SRPK2: variants seen among roughly 807,000 people sequenced by gnomAD.
SRPK2 encodes the protein SRSF protein kinase 2.
In SRPK2, 21 loss-of-function variants were observed where a neutral mutation model predicts 90.8. The observed-to-expected ratio is 0.23, with a 90% CI of 0.16 to 0.33. The LOEUF is 0.33. SRPK2 is among the 10% of genes least tolerant of loss of function. The pLI is 1.00. For missense variants in SRPK2, 620 were observed against 869.0 expected (o/e 0.71, Z 3.60); for synonymous variants, 288 against 311.1 (o/e 0.93, Z 0.78).
chr7:105,126,245 T>C lies in SRPK2; in HGVS notation c.1915+3A>G. ...GGCGCTTTTCAAAAAGAAGAGGTAC[T>C]ACCTCTGCGATTGAAGAATTCCCGA... On this transcript the variant is annotated splice_donor_region_variant and intron_variant, in intron 15 of 15. Coordinates refer to ENST00000393651, the MANE Select transcript of SRPK2 (RefSeq NM_182692.3). 1 of 1,609,960 alleles carries C rather than the reference T, an allele frequency of 6.2e-7. No individual in the cohort carries two copies.
At chr7:105,342,595 A>C (rs921196672) in intron 2 of SRPK2, among the ~76,000 whole-genome samples, 7 of 151,954 alleles carry the variant, frequency 4.6e-5, no homozygotes, top group Non-Finnish European at 1.0e-4. Flanking sequence ...CCCTGGTCTC[A>C]CCTCCCAACA....
chr7:105,274,930 G>C (rs1806288995), intron 2 of SRPK2, among the ~76,000 whole-genome samples: 1 of 150,066 alleles, frequency 6.7e-6, no homozygotes, highest in African/African-American at 2.5e-5. Context: ...GTCTCACTCT[G>C]TCGCCCAAGC....
intron 2 of SRPK2, among the ~76,000 whole-genome samples, chr7:105,314,278 G>A (rs770432754): frequency 6.6e-6 from 1 of 152,108 alleles, no homozygotes; most frequent in East Asian, 1.9e-4. Flanking sequence ...GTTACACTGA[G>A]CTGAGATCGC....
At chr7:105,162,205 T>C (rs947055956) in intron 6 of SRPK2, among the ~76,000 whole-genome samples, 4 of 152,104 alleles carry the variant, frequency 2.6e-5, no homozygotes, top group African/African-American at 9.7e-5. Context: ...CTATGCCCAG[T>C]TGATTTTTCC....
At chr7:105,128,164 C>T (rs1488414844) in intron 13 of SRPK2, among the ~76,000 whole-genome samples, 1 of 152,022 alleles carries the variant, frequency 6.6e-6, no homozygotes, top group Non-Finnish European at 1.5e-5. Flanking sequence ...CATCTTTTCA[C>T]CTTTTTTAAA....
At chr7:105,203,427 T>A (rs889365122) in intron 3 of SRPK2, among the ~76,000 whole-genome samples, 1 of 152,182 alleles carries the variant, frequency 6.6e-6, no homozygotes, top group African/African-American at 2.4e-5. Flanking sequence ...TACAATTCTC[T>A]CTCATATCAC....
intron 2 of SRPK2, among the ~76,000 whole-genome samples, chr7:105,235,729 T>A (rs926880016): frequency 9.3e-5 from 14 of 150,054 alleles, no homozygotes; most frequent in African/African-American, 2.9e-4. Flanking sequence ...AAAATATCTT[T>A]AAAAAAAAAA....
Position 105,236,884 on chromosome 7 carries a change from A to C in SRPK2, c.72-33099T>G, listed in dbSNP as rs2299317. ...ATGAACCACCTCCACAAATATAGAGATAGAATCAAAAGACTAGTTTGGGAA... is the reference window on the plus strand; with the variant it reads ...ATGAACCACCTCCACAAATATAGAGCTAGAATCAAAAGACTAGTTTGGGAA... On this transcript the variant is annotated intron_variant, in intron 2 of 15. Coordinates refer to ENST00000393651, the MANE Select transcript of SRPK2 (RefSeq NM_182692.3). Among the ~76,000 whole-genome samples, 788 of 152,374 alleles carry C rather than the reference A, an allele frequency of 5.2e-3. 12 individuals carry two copies. In the East Asian group the frequency reaches 0.055, roughly 11 times the overall value.
intron 2 of SRPK2, among the ~76,000 whole-genome samples, chr7:105,304,738 T>C (rs772821739): frequency 5.3e-5 from 8 of 152,164 alleles, no homozygotes; most frequent in Non-Finnish European, 1.2e-4. Context: ...CACCTTTCCG[T>C]TTTAGTATCA....
chr7:105,155,059 C>A (rs184170641), intron 7 of SRPK2, among the ~76,000 whole-genome samples: 84 of 152,248 alleles, frequency 5.5e-4, no homozygotes, highest in Non-Finnish European at 7.2e-4. Flanking sequence ...CGGCTCACTG[C>A]AGCCTCCGCC....
intron 3 of SRPK2, among the ~76,000 whole-genome samples, chr7:105,184,619 C>T (rs1013206283): frequency 1.3e-5 from 2 of 152,200 alleles, no homozygotes; most frequent in African/African-American, 4.8e-5. Flanking sequence ...CTTCAGTGTT[C>T]AAAAGAACAA....
intron 2 of SRPK2, among the ~76,000 whole-genome samples, chr7:105,247,927 A>G (rs1308225421): frequency 6.7e-6 from 1 of 149,928 alleles, no homozygotes; most frequent in Non-Finnish European, 1.5e-5. Flanking sequence ...CTGGAGTGCA[A>G]TGGTGCAACC....
intron 2 of SRPK2, among the ~76,000 whole-genome samples, chr7:105,384,676 C>G (rs966840969): frequency 6.6e-6 from 1 of 152,096 alleles, no homozygotes; most frequent in African/African-American, 2.4e-5. Flanking sequence ...CTGATCCAAA[C>G]GAAGCTATTG....
chr7:105,362,987 T>G (rs1010047647), intron 2 of SRPK2, among the ~76,000 whole-genome samples: 127 of 150,982 alleles, frequency 8.4e-4, no homozygotes, highest in African/African-American at 3.0e-3. Context: ...AACTGAACAA[T>G]GAGAACACTT....
At chr7:105,385,710 G>A (rs765772832) in intron 2 of SRPK2, among the ~76,000 whole-genome samples, 1 of 152,164 alleles carries the variant, frequency 6.6e-6, no homozygotes, top group Non-Finnish European at 1.5e-5. Flanking sequence ...TTCTCAGAGA[G>A]TGGACTCTGG....
intron 2 of SRPK2, among the ~76,000 whole-genome samples, chr7:105,382,364 C>T (rs1402795880): frequency 6.6e-6 from 1 of 151,560 alleles, no homozygotes; most frequent in Non-Finnish European, 1.5e-5. Flanking sequence ...ACCAGCCTGA[C>T]CAAAGTGGAG....
intron 1 of SRPK2, among the ~76,000 whole-genome samples, chr7:105,398,844 A>G (rs1476555914): frequency 6.6e-6 from 1 of 152,170 alleles, no homozygotes; most frequent in African/African-American, 2.4e-5. Context: ...AGCTTGAGCA[A>G]ATTAGTCTCT....
At chr7:105,392,305 TA>T (rs1265573416), upstream of SRPK2, among the ~76,000 whole-genome samples, 8 of 152,212 alleles carry the variant, frequency 5.3e-5, no homozygotes, top group African/African-American at 1.9e-4. Flanking sequence ...GCTAATAGAC[TA>T]AAAGCCACTG....
intron 3 of SRPK2, among the ~76,000 whole-genome samples, chr7:105,176,670 G>A (rs1791947109): frequency 7.1e-6 from 1 of 140,936 alleles, no homozygotes; most frequent in South Asian, 2.2e-4. Context: ...CATATATATA[G>A]ATGTATGCAT....
Sources: gnomAD v4.1 joint callset for allele counts (sites outside exome capture counted in the v4.1 genomes callset) on GRCh38, gnomAD v4.1.1 for gene constraint, MANE v1.5 for transcripts, NCBI Gene and HGNC (gene_info 2026-07-23, HGNC 2026-07-21) for gene names.